The following ERICH6B variants were observed in gnomAD, a reference collection of about 807,000 sequenced individuals.
ERICH6B encodes the protein glutamate rich 6B.
Under a neutral mutation model 80.0 loss-of-function variants are expected in ERICH6B, and 69 were observed. The ratio of observed to expected loss-of-function variants is 0.86; its 90% CI spans 0.71 to 1.05. The LOEUF is 1.05. Ranked by LOEUF, ERICH6B falls within the 50% of genes least tolerant of loss-of-function variation. The probability of loss-of-function intolerance (pLI) is 0.00; values close to 1 mark genes in which losing one functional copy is unlikely to be tolerated. For missense variants in ERICH6B, 754 were observed against 796.1 expected, an observed-to-expected ratio of 0.95 and a Z score of 0.64; for synonymous variants, 283 against 291.9, an observed-to-expected ratio of 0.97 and a Z score of 0.31.
chr13:45,549,830 T>C (rs1874140888), intron 13 of ERICH6B, 63 bp downstream of exon 13: 2 of 1,500,652 alleles, frequency 1.3e-6, no homozygotes. Flanking sequence ...AGTCTGGGAG[T>C]CACGCTTTTT....
At chr13:45,551,745 C>T (rs767115519) in intron 11 of ERICH6B, 2 of 152,186 alleles carry the variant, frequency 1.3e-5, no homozygotes, top group Non-Finnish European at 2.9e-5. Flanking sequence ...CTAACCTCAT[C>T]AGTAGATTAA....
At chr13:45,609,622 G>T (rs545217923) in intron 1 of ERICH6B, among the ~76,000 whole-genome samples, 2 of 152,152 alleles carry the variant, frequency 1.3e-5, no homozygotes, top group Non-Finnish European at 2.9e-5. Flanking sequence ...ATAGGAGCTC[G>T]ACAAATAATT....
intron 4 of ERICH6B, among the ~76,000 whole-genome samples, chr13:45,587,436 C>G (rs1330858687): frequency 6.6e-6 from 1 of 152,230 alleles, no homozygotes; most frequent in African/African-American, 2.4e-5. Flanking sequence ...ATTGCCGCTG[C>G]TGCTTCACTA....
chr13:45,567,174 T>C (rs1488770175), intron 9 of ERICH6B, among the ~76,000 whole-genome samples: 1 of 152,258 alleles, frequency 6.6e-6, no homozygotes, highest in Non-Finnish European at 1.5e-5. Context: ...GTACGCCCAC[T>C]GTATCTAGGA....
chr13:45,598,196 G>A (rs1249143924), intron 2 of ERICH6B, among the ~76,000 whole-genome samples: 1 of 152,052 alleles, frequency 6.6e-6, no homozygotes, highest in Non-Finnish European at 1.5e-5. Flanking sequence ...ATTTCTGTGT[G>A]TTCTTGTTCA....
At chr13:45,541,758 G>T in intron 14 of ERICH6B, 78 bp from the exon 15 acceptor site, 1 of 1,366,122 alleles carries the variant, frequency 7.3e-7, no homozygotes, top group Non-Finnish European at 1.0e-6. Context: ...CAGATCTCCT[G>T]TGGCCAGGAC....
At chr13:45,546,057 G>C (rs1015559073) in intron 13 of ERICH6B, among the ~76,000 whole-genome samples, 2 of 152,168 alleles carry the variant, frequency 1.3e-5, no homozygotes, top group Non-Finnish European at 2.9e-5. Flanking sequence ...ACTTGTGAGG[G>C]CAGGGACCTT....
intron 11 of ERICH6B, among the ~76,000 whole-genome samples, chr13:45,560,414 C>T (rs888340751): frequency 1.3e-5 from 2 of 152,200 alleles, no homozygotes; most frequent in Non-Finnish European, 2.9e-5. Context: ...AACACCCCCC[C>T]ACCTGAGAGT....
intron 2 of ERICH6B, among the ~76,000 whole-genome samples, chr13:45,600,932 T>C (rs1171119982): frequency 6.6e-6 from 1 of 152,158 alleles, no homozygotes; most frequent in Non-Finnish European, 1.5e-5. Flanking sequence ...GCTAAGTCAA[T>C]TTAGCAAAAA....
intron 4 of ERICH6B, among the ~76,000 whole-genome samples, chr13:45,588,530 GT>G (rs1413030295): frequency 6.6e-6 from 1 of 152,222 alleles, no homozygotes; most frequent in Non-Finnish European, 1.5e-5. Context: ...TCTAGGGCCT[GT>G]TTCTTTATCC....
intron 5 of ERICH6B, 114 bp from the exon 6 acceptor site, chr13:45,580,779 A>G (rs548475736): frequency 1.9e-6 from 2 of 1,025,934 alleles, no homozygotes; most frequent in Admixed American, 2.2e-5. Flanking sequence ...AGGCTGGTCA[A>G]CAGTTGGGGG....
At chr13:45,558,099 A>G (rs775845173) in intron 11 of ERICH6B, among the ~76,000 whole-genome samples, 6 of 152,098 alleles carry the variant, frequency 3.9e-5, no homozygotes, top group Non-Finnish European at 8.8e-5. Context: ...TGTGTTGTCT[A>G]TCATTTCTTT....
At chr13:45,544,224 C>T (rs1330280772) in intron 14 of ERICH6B, among the ~76,000 whole-genome samples, 2 of 152,116 alleles carry the variant, frequency 1.3e-5, no homozygotes, top group Non-Finnish European at 2.9e-5. Flanking sequence ...AGGCGTGAGC[C>T]ACTGGGATCA....
intron 13 of ERICH6B, among the ~76,000 whole-genome samples, chr13:45,545,366 C>T (rs998545719): frequency 2.0e-5 from 3 of 152,188 alleles, no homozygotes; most frequent in Non-Finnish European, 4.4e-5. Context: ...TACCTGGTTC[C>T]CTACGGGACT....
In ERICH6B at chr13:45,596,339, A is replaced by G. The variant is rs139936548; in HGVS notation, c.637+30T>C. On this transcript the variant is annotated intron_variant, in intron 3 of 14. Coordinates refer to ENST00000298738, the MANE Select transcript of ERICH6B (RefSeq NM_182542.3). ...TTCCCTTTCAGATACTTTTCCTCCC[A>G]TAGATGCTCTCCCTCCTCCAGATAC... is the stretch of plus-strand genomic sequence containing the variant. 2,564 of 1,532,188 alleles carry G rather than the reference A, an allele frequency of 1.7e-3. 31 individuals carry two copies. In the African/African-American group the frequency reaches 0.03, roughly 18 times the overall value. The allele number at this position is 1,532,188 out of a possible 1,614,324, so 94.9% of individuals were successfully genotyped here. A position where few individuals can be genotyped will look rare whatever the true frequency, so the allele number is the denominator to read the frequency against.
chr13:45,580,249 T>C (rs1343350233), intron 6 of ERICH6B, among the ~76,000 whole-genome samples: 2 of 152,246 alleles, frequency 1.3e-5, no homozygotes, highest in Admixed American at 1.3e-4. Flanking sequence ...GGGTTTTGTC[T>C]ACTTTATATC....
chr13:45,593,147 T>TC (rs1257106535), intron 3 of ERICH6B, among the ~76,000 whole-genome samples: 1 of 152,172 alleles, frequency 6.6e-6, no homozygotes, highest in Non-Finnish European at 1.5e-5. Flanking sequence ...TTACTGGATT[T>TC]CCCCATAAAC....
chr13:45,594,576 A>G (rs1876286239), intron 3 of ERICH6B, among the ~76,000 whole-genome samples: 2 of 152,218 alleles, frequency 1.3e-5, no homozygotes, highest in Admixed American at 6.5e-5. Context: ...AGAGTTTCCC[A>G]GCAGTAGTGG....
At chr13:45,549,855 A>G in intron 13 of ERICH6B, 38 bp downstream of exon 13, 4 of 1,535,084 alleles carry the variant, frequency 2.6e-6, no homozygotes, top group Non-Finnish European at 3.5e-6. Flanking sequence ...CTGCTTCTCC[A>G]TGGGCAGGAG....
Sources: gnomAD v4.1 joint callset for allele counts (sites outside exome capture counted in the v4.1 genomes callset) on GRCh38, gnomAD v4.1.1 for gene constraint, MANE v1.5 for transcripts, NCBI Gene and HGNC (gene_info 2026-07-23, HGNC 2026-07-21) for gene names.